The following ACSS3 variants were observed in gnomAD, a reference collection of about 807,000 sequenced individuals.
ACSS3 encodes the protein acyl-CoA synthetase short-chain family member 3, mitochondrial.
Under a neutral mutation model 84.2 loss-of-function variants are expected in ACSS3, and 64 were observed. The observed-to-expected ratio is 0.76, with a 90% CI of 0.62 to 0.94. The LOEUF (loss-of-function observed/expected upper bound fraction) is 0.94, where lower values mean the gene tolerates loss of function less well. Ranked by LOEUF, ACSS3 falls within the 40% of genes least tolerant of loss-of-function variation. ACSS3 has a pLI of 0.00. For missense variants in ACSS3, 815 were observed against 867.6 expected, an observed-to-expected ratio of 0.94 and a Z score of 0.76; for synonymous variants, 317 against 310.1, an observed-to-expected ratio of 1.02 and a Z score of -0.23.
At chr12:81,095,867 G>A (rs933476807) in intron 1 of ACSS3, among the ~76,000 whole-genome samples, 9 of 152,186 alleles carry the variant, frequency 5.9e-5, no homozygotes, top group Non-Finnish European at 1.3e-4. Flanking sequence ...ACTAAGGAAT[G>A]CCTCTGTCTT....
intron 13 of ACSS3, among the ~76,000 whole-genome samples, chr12:81,239,902 T>G (rs992542355): frequency 3.3e-5 from 5 of 152,026 alleles, no homozygotes. Context: ...CATATATATA[T>G]GCTTATGTAT....
At chr12:81,193,333 T>A (rs1376169844) in intron 8 of ACSS3, among the ~76,000 whole-genome samples, 1 of 152,108 alleles carries the variant, frequency 6.6e-6, no homozygotes, top group Non-Finnish European at 1.5e-5. Flanking sequence ...ATATTCACTT[T>A]TATTTTTTAT....
Position 81,174,918 on chromosome 12 carries a change from G to T in ACSS3, c.1229G>T (p.Gly410Val), listed in dbSNP as rs1232866847. Residue 410 changes from glycine to valine, a missense_variant, in exon 8 of 16, where the codon GGG (glycine) becomes GTG (valine). Transcript: ENST00000548058. ...CAACAGGACCCTGGGGCAGCTTTGG[G>T]GAAGCAGTACTCTCTGACAAGGTGA... is the stretch of plus-strand genomic sequence containing the variant. ...IRQQDPGAAL[G>V]KQYSLTRFKT... is the part of the protein sequence containing the mutation. The T allele has an allele frequency of 1.2e-6, 2 of 1,613,874 alleles. No homozygotes were observed. The highest frequency in any genetic ancestry group is 2.2e-5 in the South Asian group (2 of 91,068).
At chr12:81,231,197 T>G (rs1565734153) in intron 12 of ACSS3, 59 bp downstream of exon 12, 1 of 1,358,108 alleles carries the variant, frequency 7.4e-7, no homozygotes, top group East Asian at 2.4e-5. Flanking sequence ...TTCTTGCCTA[T>G]TAAATTGAGA....
chr12:81,194,062 G>T (rs1273493462), intron 8 of ACSS3, among the ~76,000 whole-genome samples: 2 of 151,498 alleles, frequency 1.3e-5, no homozygotes, highest in Non-Finnish European at 3.0e-5. Context: ...TTTAGCTGTT[G>T]AAAAGGTTAC....
rs1192103117 is a variant in ACSS3 at position 81,213,828 on chromosome 12, CT to C, written c.1355-3071del. On this transcript the variant is annotated intron_variant, in intron 9 of 15. Coordinates refer to ENST00000548058, the MANE Select transcript of ACSS3 (RefSeq NM_024560.4). ...CTTCTCTTCTCTTCTCTTCTCTTCT[CT>C]TCTCTTCTCTTCTCTCCTCTCCTCT... Among the ~76,000 whole-genome samples, 762 of 91,496 alleles carry C rather than the reference CT, an allele frequency of 8.3e-3. 35 individuals carry two copies. Among genetic ancestry groups the C allele is most frequent in the African/African-American group, 0.027 (715 of 26,222 alleles). 60.0% of individuals were successfully genotyped at this position (91,496 alleles called of 152,430 possible).
chr12:81,095,080 C>T (rs561866888), intron 1 of ACSS3, among the ~76,000 whole-genome samples: 25 of 152,322 alleles, frequency 1.6e-4, no homozygotes, highest in Non-Finnish European at 2.5e-4. Context: ...CCATTCCACT[C>T]CCTCCTGGTT....
chr12:81,213,351 A>G (rs2032668259), intron 9 of ACSS3, among the ~76,000 whole-genome samples: 1 of 152,212 alleles, frequency 6.6e-6, no homozygotes, highest in South Asian at 2.1e-4. Flanking sequence ...GGAAATATGT[A>G]TATGTTTATA....
At chr12:81,247,308 TTA>T (rs747848598) in intron 13 of ACSS3, among the ~76,000 whole-genome samples, 11 of 152,266 alleles carry the variant, frequency 7.2e-5, no homozygotes, top group Non-Finnish European at 5.9e-5. Context: ...ATAGTTATTA[TTA>T]TTAGTCAAAA....
intron 12 of ACSS3, among the ~76,000 whole-genome samples, chr12:81,232,694 A>G (rs1001217608): frequency 1.3e-5 from 2 of 151,790 alleles, no homozygotes; most frequent in Non-Finnish European, 2.9e-5. Context: ...AAGAAACACA[A>G]TAGTGGCTTT....
intron 9 of ACSS3, among the ~76,000 whole-genome samples, chr12:81,208,816 A>G (rs2032459405): frequency 6.6e-6 from 1 of 152,006 alleles, no homozygotes. Context: ...CTGCGGAATA[A>G]CTCACAGTCC....
Position 81,139,027 on chromosome 12 carries a change from A to T in ACSS3, c.646-104A>T. 4.9e-6 allele frequency: 6 copies of T among 1,220,890 alleles called. No homozygotes were observed. The South Asian group carries it at 8.5e-5, about 17-fold the overall frequency. 75.6% of individuals were successfully genotyped at this position (1,220,890 alleles called of 1,614,324 possible). On this transcript the variant is annotated intron_variant, in intron 3 of 15. Transcript: ENST00000548058. The stretch of plus-strand genomic sequence containing the variant: ...TTCAATAGAAAACAGAAACATTCAG[A>T]CATTTCTTTACAAATGTTGAATTGC...
chr12:81,221,615 C>T (rs2033111701), intron 11 of ACSS3, among the ~76,000 whole-genome samples: 1 of 152,042 alleles, frequency 6.6e-6, no homozygotes. Flanking sequence ...TTTAAAACAA[C>T]ATATCCATCA....
At chr12:81,251,047 A>C (rs1007382082) in intron 13 of ACSS3, among the ~76,000 whole-genome samples, 1 of 152,136 alleles carries the variant, frequency 6.6e-6, no homozygotes, top group African/African-American at 2.4e-5. Flanking sequence ...CACTCTCAAC[A>C]ATTCTTTATT....
intron 8 of ACSS3, among the ~76,000 whole-genome samples, chr12:81,196,956 C>T (rs1441392817): frequency 6.6e-6 from 1 of 152,030 alleles, no homozygotes; most frequent in Non-Finnish European, 1.5e-5. Context: ...ACTATATCAC[C>T]AATTTAGTTC....
chr12:81,096,578 G>C (rs1421033386), intron 1 of ACSS3, among the ~76,000 whole-genome samples: 1 of 152,020 alleles, frequency 6.6e-6, no homozygotes, highest in Non-Finnish European at 1.5e-5. Context: ...CCGATCAACC[G>C]GTCATCTACA....
intron 1 of ACSS3, among the ~76,000 whole-genome samples, chr12:81,098,149 A>T (rs866494987): frequency 1.5e-4 from 17 of 110,120 alleles, no homozygotes; most frequent in Admixed American, 1.5e-3. Context: ...AGAGAGAGAG[A>T]GAGTGTGTGT....
intron 9 of ACSS3, 114 bp from the exon 10 acceptor site, chr12:81,216,787 C>G (rs1449251000): frequency 1.4e-6 from 1 of 735,022 alleles, no homozygotes; most frequent in Non-Finnish European, 2.3e-6. Context: ...TCATCTATTC[C>G]TAACACAGCT....
intron 8 of ACSS3, among the ~76,000 whole-genome samples, chr12:81,193,325 A>G (rs780512685): frequency 5.3e-5 from 8 of 152,094 alleles, no homozygotes; most frequent in Non-Finnish European, 1.0e-4. Flanking sequence ...TGAAGGAAAT[A>G]TTCACTTTTA....
Sources: gnomAD v4.1 joint callset for allele counts (sites outside exome capture counted in the v4.1 genomes callset) on GRCh38, gnomAD v4.1.1 for gene constraint, MANE v1.5 for transcripts, NCBI Gene and HGNC (gene_info 2026-07-23, HGNC 2026-07-21) for gene names.